The following TLL1 variants were observed in gnomAD, a reference collection of about 807,000 sequenced individuals.
TLL1 encodes tolloid like 1.
Under a neutral mutation model 128.2 loss-of-function variants are expected in TLL1, and 49 were observed. The observed-to-expected ratio is 0.38, with a 90% CI of 0.30 to 0.48. The LOEUF is 0.48. Among genes scored for constraint, TLL1 ranks in the 20% least tolerant of loss-of-function variants. The pLI is 0.96. For missense variants in TLL1, 1,123 were observed against 1,242.0 expected (o/e 0.90, Z 1.44); for synonymous variants, 454 against 418.8 (o/e 1.08, Z -1.03).
At chr4:166,067,449 G>A (rs1466457540) in intron 16 of TLL1, among the ~76,000 whole-genome samples, 1 of 151,670 alleles carries the variant, frequency 6.6e-6, no homozygotes, top group Non-Finnish European at 1.5e-5. Flanking sequence ...TTGAAATACA[G>A]CTCTGAAGCC....
intron 1 of TLL1, among the ~76,000 whole-genome samples, chr4:165,914,155 C>T (rs1051881043): frequency 5.3e-5 from 8 of 152,148 alleles, no homozygotes; most frequent in African/African-American, 1.9e-4. Context: ...TTTTCACAAT[C>T]ATTACCTTCA....
intron 1 of TLL1, among the ~76,000 whole-genome samples, chr4:165,988,121 ACT>A (rs764194106): frequency 1.4e-4 from 22 of 152,060 alleles, no homozygotes; most frequent in Admixed American, 5.2e-4. Flanking sequence ...CTGTGCTTTG[ACT>A]CTGGCAGTAC....
intron 20 of TLL1, 75 bp from the exon 21 acceptor site, chr4:166,100,667 A>G: frequency 6.3e-7 from 1 of 1,581,800 alleles, no homozygotes; most frequent in South Asian, 1.1e-5. Context: ...GTATTCCCAA[A>G]CATGCGTTAC....
At chr4:166,050,450 T>C in intron 12 of TLL1, among the ~76,000 whole-genome samples, 1 of 152,220 alleles carries the variant, frequency 6.6e-6, no homozygotes. Flanking sequence ...TTCTTTGGGG[T>C]ATTTACCCAG....
intron 1 of TLL1, among the ~76,000 whole-genome samples, chr4:165,928,416 A>G (rs1047134401): frequency 9.9e-5 from 15 of 152,082 alleles, no homozygotes; most frequent in Admixed American, 9.2e-4. Context: ...TCTATAGGAG[A>G]GTTGGGTAAG....
chr4:166,076,572 G>C (rs544587288), intron 17 of TLL1, among the ~76,000 whole-genome samples: 2 of 152,130 alleles, frequency 1.3e-5, no homozygotes, highest in South Asian at 4.1e-4. Context: ...TGCCAGGAAA[G>C]GGGTTGGATC....
chr4:166,041,308 T>G (rs866279779), intron 10 of TLL1, among the ~76,000 whole-genome samples: 14 of 150,824 alleles, frequency 9.3e-5, no homozygotes. Context: ...TTCTTTCTTT[T>G]TTTTTTTTTT....
chr4:165,907,667 G>A (rs1732328000), intron 1 of TLL1, among the ~76,000 whole-genome samples: 1 of 151,438 alleles, frequency 6.6e-6, no homozygotes, highest in Non-Finnish European at 1.5e-5. Context: ...TCCTGTCTCA[G>A]CCTCCCGAGT....
At chr4:165,992,702 TA>T (rs1736701887) in intron 2 of TLL1, 101 bp from the exon 3 acceptor site, 4 of 1,116,130 alleles carry the variant, frequency 3.6e-6, no homozygotes, top group Non-Finnish European at 5.4e-6. Flanking sequence ...TAAGACCACA[TA>T]AAAAATGACC....
chr4:165,887,946 C>A (rs925799585), intron 1 of TLL1, among the ~76,000 whole-genome samples: 3 of 151,842 alleles, frequency 2.0e-5, no homozygotes, highest in African/African-American at 7.2e-5. Context: ...TTGTTAAGAC[C>A]AGTTGTTGCT....
chr4:165,937,893 A>C (rs1733838319), intron 1 of TLL1, among the ~76,000 whole-genome samples: 1 of 131,148 alleles, frequency 7.6e-6, no homozygotes, highest in Admixed American at 8.8e-5. Context: ...AAAGAAAATT[A>C]TTTCTTTTTT....
intron 1 of TLL1, among the ~76,000 whole-genome samples, chr4:165,909,925 T>C (rs1732449000): frequency 6.6e-6 from 1 of 152,086 alleles, no homozygotes. Context: ...CCCAAATACC[T>C]ACTGACAAAG....
intron 1 of TLL1, among the ~76,000 whole-genome samples, chr4:165,975,183 G>A (rs1201520597): frequency 6.6e-6 from 1 of 152,122 alleles, no homozygotes; most frequent in Non-Finnish European, 1.5e-5. Context: ...TCAGCCAAGA[G>A]AGCTGACAGC....
intron 1 of TLL1, among the ~76,000 whole-genome samples, chr4:165,960,318 C>CA (rs776000671): frequency 1.9e-4 from 29 of 151,736 alleles, no homozygotes; most frequent in Non-Finnish European, 2.8e-4. Flanking sequence ...GAATCAATAG[C>CA]AAAAAAACTG....
intron 1 of TLL1, among the ~76,000 whole-genome samples, chr4:165,931,646 G>A (rs1459138832): frequency 6.7e-6 from 1 of 149,928 alleles, no homozygotes; most frequent in Non-Finnish European, 1.5e-5. Context: ...GTGAACCAGG[G>A]AGGTGGAGCT....
intron 1 of TLL1, among the ~76,000 whole-genome samples, chr4:165,890,542 G>A (rs551509340): frequency 1.5e-4 from 23 of 152,288 alleles, no homozygotes; most frequent in South Asian, 1.0e-3. Flanking sequence ...GGGGCTATAC[G>A]CCCCATGCAA....
chr4:165,873,595 C>G lies in TLL1; in HGVS notation c.-310C>G, dbSNP rs554111810. On this transcript the variant is annotated 5_prime_UTR_variant, in exon 1 of 21. Transcript: ENST00000061240. ...GAAGGACGACCTGGCAGGCTGCGAGCGCCAGCGCCGCCAGAGCCGAGTTTG... is the reference window on the plus strand; with the variant it reads ...GAAGGACGACCTGGCAGGCTGCGAGGGCCAGCGCCGCCAGAGCCGAGTTTG... 5.8e-5 allele frequency: 13 copies of G among 224,008 alleles called. No individual in the cohort carries two copies. The highest frequency in any genetic ancestry group is 2.8e-3 in the Middle Eastern group (2 of 704). The allele number at this position is 224,008 out of a possible 1,614,324, so 13.9% of individuals were successfully genotyped here. A position where few individuals can be genotyped will look rare whatever the true frequency, so the allele number is the denominator to read the frequency against.
At chr4:165,905,731 T>C (rs986955185) in intron 1 of TLL1, among the ~76,000 whole-genome samples, 1 of 152,216 alleles carries the variant, frequency 6.6e-6, no homozygotes, top group Non-Finnish European at 1.5e-5. Flanking sequence ...GAAGTGAGCA[T>C]AGAACAATTA....
At chr4:165,966,261 C>T (rs1735369150) in intron 1 of TLL1, among the ~76,000 whole-genome samples, 1 of 151,580 alleles carries the variant, frequency 6.6e-6, no homozygotes, top group Admixed American at 6.6e-5. Flanking sequence ...TAGAACAAAG[C>T]CATGATCACT....
Sources: allele counts gnomAD v4.1 joint callset (sites outside exome capture counted in the v4.1 genomes callset), GRCh38; gene constraint gnomAD v4.1.1; transcripts MANE v1.5; gene names NCBI Gene and HGNC (gene_info 2026-07-23, HGNC 2026-07-21).